The following NECTIN1 variants were observed in gnomAD, a reference collection of about 807,000 sequenced individuals.
NECTIN1 encodes nectin-1.
In NECTIN1, 23 loss-of-function variants were observed where a neutral mutation model predicts 48.0. That is an observed-to-expected ratio of 0.48 (90% CI 0.34 to 0.68). NECTIN1 has a LOEUF of 0.68. Among genes scored for constraint, NECTIN1 ranks in the 30% least tolerant of loss-of-function variants. The probability of loss-of-function intolerance (pLI) is 0.01; values close to 1 mark genes in which losing one functional copy is unlikely to be tolerated. For synonymous variants in NECTIN1, 270 were observed against 288.9 expected, an observed-to-expected ratio of 0.93 and a Z score of 0.66; for missense variants, 591 against 709.9, an observed-to-expected ratio of 0.83 and a Z score of 1.90.
intron 5 of NECTIN1, among the ~76,000 whole-genome samples, chr11:119,653,767 T>C (rs1298220494): frequency 2.0e-5 from 3 of 152,236 alleles, no homozygotes; most frequent in Non-Finnish European, 2.9e-5. Flanking sequence ...AGGTGTTCTG[T>C]TGAGTGCTTT....
At position 119,694,004 on chromosome 11, in the gene NECTIN1, T is replaced by C. The variant is rs558472856; in HGVS notation, c.80-15239A>G. Among the ~76,000 whole-genome samples, 5 of 152,220 alleles carry C rather than the reference T, an allele frequency of 3.3e-5. No homozygotes were observed. In the South Asian group the frequency reaches 1.0e-3, roughly 32 times the overall value. On this transcript the variant is annotated intron_variant, in intron 1 of 5. Coordinates refer to ENST00000264025, the MANE Select transcript of NECTIN1 (RefSeq NM_002855.5). ...GATTGGAAAACTAAAATATTGTGGGTGAATTTTGTGTATAAACAGGAAAGT... is the reference window on the plus strand; with the variant it reads ...GATTGGAAAACTAAAATATTGTGGGCGAATTTTGTGTATAAACAGGAAAGT...
At chr11:119,724,702 A>T (rs1484643876) in intron 1 of NECTIN1, among the ~76,000 whole-genome samples, 1 of 152,236 alleles carries the variant, frequency 6.6e-6, no homozygotes, top group Non-Finnish European at 1.5e-5. Context: ...CACAGACACA[A>T]GCACATACAC....
chr11:119,649,858 C>T (rs1030273548), intron 5 of NECTIN1, among the ~76,000 whole-genome samples: 1 of 152,308 alleles, frequency 6.6e-6, no homozygotes, highest in South Asian at 2.1e-4. Flanking sequence ...AGTTGGGCTA[C>T]TCAGGAGGAA....
rs77037359 is a variant in NECTIN1, at chr11:119,721,080, G to T, written c.79+7395C>A. ...GCGAGGACTCCAGAGTCCATCTCTG[G>T]TGCTAGGGCGTATATCTCAGAGCAC... On this transcript the variant is annotated intron_variant, in intron 1 of 5. Transcript: ENST00000264025. Among the ~76,000 whole-genome samples the T allele has an allele frequency of 2.0e-5, 3 of 152,332 alleles. No homozygotes were observed. The East Asian group carries it at 5.8e-4, about 29-fold the overall frequency.
Position 119,643,196 on chromosome 11 carries a change from G to C in NECTIN1, c.1004-3184C>G, listed in dbSNP as rs571625041. ...CCATGGGCCTTGCCTGATGCACCTG[G>C]AGGGTCGCACCCTGGTGGAAGAAAT... On this transcript the variant is annotated intron_variant, in intron 5 of 7. Transcript: ENST00000341398. Among the ~76,000 whole-genome samples the C allele has an allele frequency of 3.3e-5, 5 of 152,322 alleles. No individual in the cohort carries two copies. The East Asian group carries it at 9.6e-4, about 29-fold the overall frequency.
chr11:119,659,508 A>C (rs1026857009), downstream of NECTIN1, among the ~76,000 whole-genome samples: 1 of 152,172 alleles, frequency 6.6e-6, no homozygotes, highest in African/African-American at 2.4e-5. Flanking sequence ...GGATGGAGGC[A>C]AGGGTTGTGG....
At chr11:119,638,877 A>G (rs1864278215) in intron 6 of NECTIN1, 5 of 1,358,396 alleles carry the variant, frequency 3.7e-6, no homozygotes, top group Non-Finnish European at 5.2e-6. Context: ...GCCACCAGAC[A>G]GCTACCGGTC....
intron 1 of NECTIN1, among the ~76,000 whole-genome samples, chr11:119,724,080 C>T (rs1865871288): frequency 6.6e-6 from 1 of 152,228 alleles, no homozygotes; most frequent in African/African-American, 2.4e-5. Context: ...CCTGGGCACA[C>T]ACAGCTCTGC....
chr11:119,656,208 T>C (rs933422967), downstream of NECTIN1: 17 of 152,238 alleles, frequency 1.1e-4, no homozygotes, highest in African/African-American at 4.1e-4. Flanking sequence ...AAGGCCTCTT[T>C]TGACTCTCAT....
intron 4 of NECTIN1, 109 bp downstream of exon 4, chr11:119,676,993 C>G: frequency 2.1e-6 from 2 of 938,842 alleles, no homozygotes; most frequent in Non-Finnish European, 3.5e-6. Flanking sequence ...AGCCCAGACC[C>G]TAATTTCTTC....
At chr11:119,652,721 T>C (rs1489906959) in intron 5 of NECTIN1, among the ~76,000 whole-genome samples, 2 of 152,176 alleles carry the variant, frequency 1.3e-5, no homozygotes, top group African/African-American at 4.8e-5. Context: ...GGAACTCTCA[T>C]ACGCTGTTGG....
At chr11:119,676,823 C>T in intron 4 of NECTIN1, 1 of 490,748 alleles carries the variant, frequency 2.0e-6, no homozygotes. Flanking sequence ...AGGAAAACGA[C>T]AAAACTCTTT....
chr11:119,687,792 G>A (rs952154061), intron 1 of NECTIN1, among the ~76,000 whole-genome samples: 10 of 152,330 alleles, frequency 6.6e-5, no homozygotes, highest in East Asian at 1.9e-4. Context: ...GAGGGTTCTC[G>A]ATCTGCCTCA....
chr11:119,648,348 GGTGGTGGTGATGCTGGTGA>G (rs1565376704), intron 5 of NECTIN1, among the ~76,000 whole-genome samples: 1 of 103,538 alleles, frequency 9.7e-6, no homozygotes, highest in African/African-American at 4.0e-5. Context: ...TGGTGATGCT[GGTGGTGGTGATGCTGGTGA>G]TGGTGGTGAT....
chr11:119,677,192 A>G lies in NECTIN1; in HGVS notation c.761T>C (p.Phe254Ser), dbSNP rs999824639. Reference sequence around the variant, plus strand: ...CCGCTGCAGGTACCAGTTGCCATCAAACCCCTCAATGGTTACCTCAGGCTC... The same window carrying G: ...CCGCTGCAGGTACCAGTTGCCATCAGACCCCTCAATGGTTACCTCAGGCTC... The part of the protein sequence containing the change: ...QYEPEVTIEG[F>S]DGNWYLQRMD... Residue 254 changes from phenylalanine to serine, a missense_variant, in exon 4 of 6, where the codon TTT (phenylalanine) becomes TCT (serine). Phe to Ser is a radical substitution (Grantham distance 155). Coordinates refer to ENST00000264025, the MANE Select transcript of NECTIN1 (RefSeq NM_002855.5). This position sits in a 1 kb window ranked among gnomAD's most constrained non-coding sequence, Gnocchi z 5.4. 6.2e-7 allele frequency: 1 copy of G among 1,614,008 alleles called. No homozygotes were observed. The highest frequency in any genetic ancestry group is 8.5e-7 in the Non-Finnish European group (1 of 1,180,032).
intron 1 of NECTIN1, among the ~76,000 whole-genome samples, chr11:119,697,069 C>G (rs542200790): frequency 1.3e-5 from 2 of 152,048 alleles, no homozygotes; most frequent in Non-Finnish European, 2.9e-5. Context: ...GGAGGGGCAG[C>G]CTGCGAGCAG....
chr11:119,647,771 G>A (rs1056260596), intron 5 of NECTIN1, among the ~76,000 whole-genome samples: 2 of 152,118 alleles, frequency 1.3e-5, no homozygotes, highest in African/African-American at 2.4e-5. Context: ...TCTGTAAAAG[G>A]GAGAAAAGGG....
chr11:119,664,481 G>C lies in NECTIN1; in HGVS notation c.*266C>G. ...TCCCTACACAGAGGGCAGGCAGGTG[G>C]GGCCCGTAAAGGGAAGATACAGTAA... is the stretch of plus-strand genomic sequence containing the variant. On this transcript the variant is annotated 3_prime_UTR_variant, in exon 6 of 6. Transcript: ENST00000264025. 7.6e-7 allele frequency: 1 copy of C among 1,322,278 alleles called. No homozygotes were observed. Among genetic ancestry groups the C allele is most frequent in the Non-Finnish European group, 9.7e-7 (1 of 1,035,376 alleles). 81.9% of individuals were successfully genotyped at this position (1,322,278 alleles called of 1,614,324 possible).
rs1257129292 is a variant in NECTIN1 at position 119,665,499 on chromosome 11, GAGAC to G, written c.1004-206_1004-203del. Among the ~76,000 whole-genome samples the G allele has an allele frequency of 2.6e-5, 4 of 152,246 alleles. No homozygotes were observed. Among genetic ancestry groups the G allele is most frequent in the Non-Finnish European group, 5.9e-5 (4 of 68,014 alleles). On this transcript the variant is annotated intron_variant, in intron 5 of 5. Transcript: ENST00000264025. The surrounding 1 kb of genome is among the most constrained non-coding windows in gnomAD (Gnocchi z 5.1). Reference sequence around the variant, plus strand: ...GCCGCAGCGTTGGTAGCTGGAGTGAGAGACAGGCAAGAGGAGAGGCAGAGGGCAG... The same window carrying G: ...GCCGCAGCGTTGGTAGCTGGAGTGAGAGGCAAGAGGAGAGGCAGAGGGCAG...
Sources: allele counts gnomAD v4.1 joint callset (sites outside exome capture counted in the v4.1 genomes callset), GRCh38; gene constraint gnomAD v4.1.1; non-coding constraint Gnocchi (gnomAD v3.1); transcripts MANE v1.5; gene names NCBI Gene and HGNC (gene_info 2026-07-23, HGNC 2026-07-21).